Variants in POU2F3 observed in about 807,000 individuals in gnomAD.
The protein encoded by POU2F3 is POU class 2 homeobox 3, also known as POU domain, class 2, transcription factor 3.
A neutral mutation model predicts 59.2 loss-of-function variants in POU2F3; 23 were observed. The ratio of observed to expected loss-of-function variants is 0.39; its 90% CI spans 0.28 to 0.55. The LOEUF is 0.55. Among genes scored for constraint, POU2F3 ranks in the 20% least tolerant of loss-of-function variants. POU2F3 has a pLI of 0.66. For synonymous variants in POU2F3, 190 were observed against 214.6 expected (o/e 0.89, Z 1.00); for missense variants, 473 against 544.5 (o/e 0.87, Z 1.31).
At chr11:120,247,012 G>A (rs557135127) in intron 2 of POU2F3, among the ~76,000 whole-genome samples, 16 of 152,336 alleles carry the variant, frequency 1.1e-4, no homozygotes, top group Non-Finnish European at 1.9e-4. Flanking sequence ...TGGAAAGAAG[G>A]GAAAGGATGT....
chr11:120,238,827 T>TAAAAAA (rs56948018), upstream of POU2F3, among the ~76,000 whole-genome samples: 27 of 48,362 alleles, frequency 5.6e-4, no homozygotes, highest in African/African-American at 1.8e-3. Flanking sequence ...AGACTCTGTC[T>TAAAAAA]AAAAAAAAAA....
At chr11:120,289,553 G>T (rs4938794) in intron 3 of POU2F3, among the ~76,000 whole-genome samples, 2 of 151,950 alleles carry the variant, frequency 1.3e-5, no homozygotes, top group South Asian at 2.1e-4. Flanking sequence ...CTGCTCACCC[G>T]CCTGTCCTCT....
At chr11:120,240,587 G>A (rs1194250556) in intron 1 of POU2F3, among the ~76,000 whole-genome samples, 1 of 152,042 alleles carries the variant, frequency 6.6e-6, no homozygotes, top group Non-Finnish European at 1.5e-5. Flanking sequence ...GAATGAGGGT[G>A]GGGGCTGGTG....
At chr11:120,299,152 A>G (rs1018686721) in intron 4 of POU2F3, among the ~76,000 whole-genome samples, 14 of 152,060 alleles carry the variant, frequency 9.2e-5, no homozygotes, top group Admixed American at 2.6e-4. Flanking sequence ...CCACCCCCCA[A>G]CTCCCACCCC....
At chr11:120,263,753 G>A (rs926673816) in intron 2 of POU2F3, among the ~76,000 whole-genome samples, 1 of 152,080 alleles carries the variant, frequency 6.6e-6, no homozygotes, top group Non-Finnish European at 1.5e-5. Flanking sequence ...AATGCTGCTG[G>A]CCATATGTGT....
At chr11:120,238,117 G>GT (rs1938544828), upstream of POU2F3, among the ~76,000 whole-genome samples, 1 of 152,172 alleles carries the variant, frequency 6.6e-6, no homozygotes, top group African/African-American at 2.4e-5. Flanking sequence ...GCGCATGCCT[G>GT]TAATCCCAGC....
intron 2 of POU2F3, among the ~76,000 whole-genome samples, chr11:120,267,478 G>A (rs1939875617): frequency 6.6e-6 from 1 of 151,978 alleles, no homozygotes; most frequent in South Asian, 2.1e-4. Context: ...AGATCATTTT[G>A]CATCTCACCT....
intron 1 of POU2F3, 145 bp from the exon 2 acceptor site, chr11:120,246,304 T>G: frequency 2.4e-6 from 2 of 827,874 alleles, no homozygotes; most frequent in Non-Finnish European, 4.0e-6. Context: ...AATATTCTAA[T>G]GGTTGTATGT....
intron 8 of POU2F3, among the ~76,000 whole-genome samples, chr11:120,306,762 G>A (rs898135764): frequency 3.3e-5 from 5 of 152,190 alleles, no homozygotes; most frequent in Non-Finnish European, 7.4e-5. Flanking sequence ...TTACTCATAC[G>A]GAAGGGCCTC....
intron 3 of POU2F3, among the ~76,000 whole-genome samples, chr11:120,293,695 C>T (rs774891425): frequency 1.7e-4 from 26 of 152,248 alleles, no homozygotes; most frequent in Admixed American, 3.3e-4. Context: ...TGTCTTCCCC[C>T]AGAGAGGGCC....
At chr11:120,288,810 C>A (rs116264124) in intron 3 of POU2F3, among the ~76,000 whole-genome samples, 2 of 152,116 alleles carry the variant, frequency 1.3e-5, no homozygotes, top group South Asian at 4.2e-4. Flanking sequence ...GTATTACATA[C>A]GCACATGTAT....
chr11:120,261,539 C>T (rs1177434424), intron 2 of POU2F3, among the ~76,000 whole-genome samples: 3 of 152,220 alleles, frequency 2.0e-5, no homozygotes, highest in Non-Finnish European at 1.5e-5. Flanking sequence ...GCACAGATCT[C>T]ATCCATTTGC....
intron 3 of POU2F3, among the ~76,000 whole-genome samples, chr11:120,275,998 C>T (rs73578234): frequency 0.15 from 23,521 of 152,070 alleles, 2,399 homozygotes; most frequent in South Asian, 0.37. Context: ...CAACAAGATT[C>T]AGGTACGGAA....
At chr11:120,289,549 A>C (rs1006421675) in intron 3 of POU2F3, among the ~76,000 whole-genome samples, 2 of 151,616 alleles carry the variant, frequency 1.3e-5, no homozygotes, top group Non-Finnish European at 2.9e-5. Context: ...CTGCCTGCTC[A>C]CCCGCCTGTC....
intron 3 of POU2F3, among the ~76,000 whole-genome samples, chr11:120,274,232 G>A (rs57081718): frequency 0.05 from 7,529 of 152,038 alleles, 294 homozygotes; most frequent in South Asian, 0.18. Flanking sequence ...TGTGACCTTG[G>A]GCAAGTTCTC....
chr11:120,315,761 T>A (rs946407259), intron 11 of POU2F3, among the ~76,000 whole-genome samples: 2 of 152,142 alleles, frequency 1.3e-5, no homozygotes, highest in African/African-American at 4.8e-5. Flanking sequence ...AGCACCTAAT[T>A]ATTTCAACGC....
intron 3 of POU2F3, among the ~76,000 whole-genome samples, chr11:120,274,077 AAG>A (rs1387394682): frequency 2.7e-5 from 4 of 147,436 alleles, no homozygotes; most frequent in African/African-American, 5.1e-5. Context: ...AAGAAAGAAA[AAG>A]AGAGAAAGAA....
At chr11:120,301,780 T>TAAGG in intron 5 of POU2F3, 1 of 154,258 alleles carries the variant, frequency 6.5e-6, no homozygotes. Flanking sequence ...TGCCTCTGGC[T>TAAGG]AAGGCCCACT....
intron 3 of POU2F3, among the ~76,000 whole-genome samples, chr11:120,282,422 G>A (rs1167760416): frequency 6.6e-6 from 1 of 152,240 alleles, no homozygotes; most frequent in Non-Finnish European, 1.5e-5. Flanking sequence ...TTGAGAGGCT[G>A]AGGCTGGCGG....
Sources: gnomAD v4.1 joint callset for allele counts (sites outside exome capture counted in the v4.1 genomes callset) on GRCh38, gnomAD v4.1.1 for gene constraint, MANE v1.5 for transcripts, NCBI Gene and HGNC (gene_info 2026-07-23, HGNC 2026-07-21) for gene names.